Variants in FAM227B observed in about 807,000 individuals in gnomAD.
FAM227B encodes the protein protein FAM227B.
A neutral mutation model predicts 73.8 loss-of-function variants in FAM227B; 88 were observed. The observed-to-expected ratio is 1.19, with a 90% confidence interval of 1.00 to 1.42. FAM227B has a LOEUF of 1.42. Ranked by LOEUF, FAM227B falls within the 40% of genes most tolerant of loss-of-function variation. FAM227B has a pLI of 0.00. For synonymous variants in FAM227B, 210 were observed against 190.5 expected (o/e 1.10, Z -0.84); for missense variants, 632 against 590.9 (o/e 1.07, Z -0.72).
At chr15:49,357,729 C>T (rs1465645881) in intron 13 of FAM227B, among the ~76,000 whole-genome samples, 1 of 152,090 alleles carries the variant, frequency 6.6e-6, no homozygotes, top group Non-Finnish European at 1.5e-5. Context: ...TCCTCCCTAA[C>T]TCATTTATGA....
intron 11 of FAM227B, among the ~76,000 whole-genome samples, chr15:49,491,705 A>G (rs2057115790): frequency 7.1e-6 from 1 of 141,266 alleles, no homozygotes; most frequent in East Asian, 2.1e-4. Flanking sequence ...TTGATTGCAC[A>G]CACACACACA....
chr15:49,450,598 T>A (rs1042097507), intron 11 of FAM227B, among the ~76,000 whole-genome samples: 9 of 152,146 alleles, frequency 5.9e-5, no homozygotes, highest in Non-Finnish European at 1.2e-4. Flanking sequence ...GAGCAACTAG[T>A]TTCCAGTGGT....
intron 10 of FAM227B, among the ~76,000 whole-genome samples, chr15:49,534,638 CAGT>C (rs750706793): frequency 2.0e-5 from 3 of 151,924 alleles, no homozygotes; most frequent in East Asian, 1.9e-4. Context: ...CATCCAACAG[CAGT>C]AGATCACACA....
chr15:49,567,712 G>C (rs2074769715), intron 9 of FAM227B, among the ~76,000 whole-genome samples: 1 of 152,046 alleles, frequency 6.6e-6, no homozygotes, highest in African/African-American at 2.4e-5. Context: ...CACCCAGTGA[G>C]ATTCCTACCA....
At chr15:49,501,829 G>C (rs542562648) in intron 11 of FAM227B, among the ~76,000 whole-genome samples, 219 of 152,314 alleles carry the variant, frequency 1.4e-3, no homozygotes, top group African/African-American at 5.2e-3. Flanking sequence ...GGCCTAGGAA[G>C]ACTAAATGGT....
At chr15:49,435,055 T>C (rs962165620) in intron 11 of FAM227B, among the ~76,000 whole-genome samples, 5 of 151,598 alleles carry the variant, frequency 3.3e-5, no homozygotes, top group African/African-American at 9.7e-5. Context: ...GTAATGTTCA[T>C]TTCGAACACA....
Position 49,394,714 on chromosome 15 carries a change from T to C in FAM227B, c.1013-23315A>G, listed in dbSNP as rs557930133. 3.3e-5 allele frequency among the ~76,000 whole-genome samples: 5 copies of C among 152,218 alleles called. 1 individual carries two copies. The South Asian group carries it at 1.0e-3, about 32-fold the overall frequency. ...GGTGAGTGCAAATAAATAACTATAA[T>C]GATTAGCCATGTTTAATTTAGGTAA... is the stretch of plus-strand genomic sequence containing the variant. On this transcript the variant is annotated intron_variant, in intron 11 of 15. Coordinates refer to ENST00000299338, the MANE Select transcript of FAM227B (RefSeq NM_152647.3).
chr15:49,338,190 T>C (rs540803495), intron 13 of FAM227B, among the ~76,000 whole-genome samples: 1 of 152,308 alleles, frequency 6.6e-6, no homozygotes, highest in East Asian at 1.9e-4. Flanking sequence ...TATCTGGTTG[T>C]TTTGCCCGTT....
chr15:49,352,683 A>G (rs1286964195), intron 13 of FAM227B, among the ~76,000 whole-genome samples: 1 of 152,176 alleles, frequency 6.6e-6, no homozygotes, highest in Non-Finnish European at 1.5e-5. Flanking sequence ...CCTTTTCCCT[A>G]AAGATAAGAC....
At chr15:49,443,498 G>A (rs1213381667) in intron 11 of FAM227B, among the ~76,000 whole-genome samples, 2 of 151,638 alleles carry the variant, frequency 1.3e-5, no homozygotes, top group Admixed American at 6.6e-5. Context: ...ACATTTAAGC[G>A]AATGATACAA....
At chr15:49,574,409 C>T (rs533649980) in intron 8 of FAM227B, among the ~76,000 whole-genome samples, 1 of 152,180 alleles carries the variant, frequency 6.6e-6, no homozygotes, top group Admixed American at 6.5e-5. Flanking sequence ...GTTTCCCCCA[C>T]GATGTTCTCG....
chr15:49,346,237 GGCCTGC>G (rs938896853), intron 13 of FAM227B, among the ~76,000 whole-genome samples: 1 of 152,080 alleles, frequency 6.6e-6, no homozygotes, highest in Admixed American at 6.5e-5. Flanking sequence ...CCTTGAGCTG[GGCCTGC>G]GCAAGTGCGC....
At position 49,564,769 on chromosome 15, in the gene FAM227B, A is replaced by T. The variant is rs143720022; in HGVS notation, c.747+3476T>A. 8.5e-4 allele frequency among the ~76,000 whole-genome samples: 129 copies of T among 152,166 alleles called. 2 individuals are homozygous for T. The East Asian group carries it at 0.022, about 26-fold the overall frequency. On this transcript the variant is annotated intron_variant, in intron 9 of 15. Transcript: ENST00000299338. ...AACCAAATACCACATGTTCTCACTT[A>T]TAAGTGGGAGCTAAACATTGAATAC...
At chr15:49,479,988 A>G (rs1199421272) in intron 11 of FAM227B, among the ~76,000 whole-genome samples, 1 of 152,184 alleles carries the variant, frequency 6.6e-6, no homozygotes, top group Admixed American at 6.5e-5. Context: ...TGAACAAAAG[A>G]GTGATAATGT....
At chr15:49,360,366 A>G (rs1033280194) in intron 13 of FAM227B, among the ~76,000 whole-genome samples, 5 of 152,200 alleles carry the variant, frequency 3.3e-5, no homozygotes, top group African/African-American at 1.2e-4. Flanking sequence ...GTGAATGTTT[A>G]AAACTCATGT....
chr15:49,608,567 A>G (rs2077676050), intron 3 of FAM227B, among the ~76,000 whole-genome samples: 1 of 152,078 alleles, frequency 6.6e-6, no homozygotes, highest in Admixed American at 6.6e-5. Context: ...TTTCCTTTAT[A>G]TTAAGCTTTG....
At chr15:49,493,998 T>A (rs780878157) in intron 11 of FAM227B, among the ~76,000 whole-genome samples, 2 of 151,840 alleles carry the variant, frequency 1.3e-5, no homozygotes, top group Non-Finnish European at 2.9e-5. Flanking sequence ...CCTATAGATA[T>A]ATAATCAATT....
intron 15 of FAM227B, chr15:49,329,666 AGAATTTTG>A: frequency 1.0e-6 from 1 of 983,796 alleles, no homozygotes; most frequent in Non-Finnish European, 1.2e-6. Context: ...ATTTGTTAAA[AGAATTTTG>A]AGTTCTATAA....
intron 11 of FAM227B, among the ~76,000 whole-genome samples, chr15:49,502,144 C>T (rs185599339): frequency 3.3e-4 from 51 of 152,298 alleles, no homozygotes; most frequent in African/African-American, 1.1e-3. Context: ...ACTTTTATTA[C>T]GGCAGTAAAG....
Sources: allele counts gnomAD v4.1 joint callset (sites outside exome capture counted in the v4.1 genomes callset), GRCh38; gene constraint gnomAD v4.1.1; transcripts MANE v1.5; gene names NCBI Gene and HGNC (gene_info 2026-07-23, HGNC 2026-07-21).